POC1B: variants seen among roughly 807,000 people sequenced by gnomAD.
POC1B encodes POC1 centriolar protein B.
POC1B carries 44 observed loss-of-function variants against 60.6 expected under a neutral mutation model. The observed-to-expected ratio is 0.73, with a 90% CI of 0.57 to 0.93. POC1B has a LOEUF of 0.93. Among genes scored for constraint, POC1B ranks in the 40% least tolerant of loss-of-function variants. The pLI is 0.00. For missense variants in POC1B, 555 were observed against 572.3 expected (o/e 0.97, Z 0.31); for synonymous variants, 180 against 198.9 (o/e 0.90, Z 0.80).
chr12:89,507,797 T>A (rs188977121), intron 2 of POC1B, among the ~76,000 whole-genome samples: 17 of 152,354 alleles, frequency 1.1e-4, no homozygotes, highest in African/African-American at 3.8e-4. Context: ...TCACCTTAAG[T>A]ACCAATAACT....
chr12:89,512,771 C>T (rs182036279), intron 2 of POC1B, among the ~76,000 whole-genome samples: 24 of 152,234 alleles, frequency 1.6e-4, no homozygotes, highest in African/African-American at 5.8e-4. Context: ...TTAATCCTAA[C>T]AACAAGGCAG....
chr12:89,496,076 T>TTC (rs1869230237), intron 3 of POC1B, among the ~76,000 whole-genome samples: 1 of 152,100 alleles, frequency 6.6e-6, no homozygotes, highest in African/African-American at 2.4e-5. Flanking sequence ...TCTATTATTA[T>TTC]TACATACTCA....
intron 9 of POC1B, among the ~76,000 whole-genome samples, chr12:89,464,607 C>A (rs1354377881): frequency 1.3e-5 from 2 of 149,784 alleles, no homozygotes; most frequent in Admixed American, 1.3e-4. Context: ...ACTGCCTCAG[C>A]CTCCTGAGTA....
At chr12:89,437,541 A>G (rs1353524889) in intron 10 of POC1B, among the ~76,000 whole-genome samples, 5 of 152,060 alleles carry the variant, frequency 3.3e-5, no homozygotes, top group Non-Finnish European at 7.4e-5. Flanking sequence ...CACTTTTGGG[A>G]AGCTGTATCT....
chr12:89,413,190 T>C, the POC1B span, among the ~76,000 whole-genome samples: 2 of 152,060 alleles, frequency 1.3e-5, no homozygotes, highest in Admixed American at 6.6e-5. Flanking sequence ...GGAGCCACCA[T>C]GCCTTGCCTT....
At chr12:89,452,295 T>C (rs1882076962) in intron 10 of POC1B, among the ~76,000 whole-genome samples, 1 of 152,126 alleles carries the variant, frequency 6.6e-6, no homozygotes, top group African/African-American at 2.4e-5. Context: ...GCAGAAATAA[T>C]ACCTGGAACA....
At position 89,514,944 on chromosome 12, in the gene POC1B, A is replaced by G. The variant is rs553747288; in HGVS notation, c.100+10176T>C. On this transcript the variant is annotated intron_variant, in intron 2 of 11. Coordinates refer to ENST00000313546, the MANE Select transcript of POC1B (RefSeq NM_172240.3). ...CTTCTCTCCTCAAAATTTACCACTG[A>G]GCCACATCACCCACTAGATGATGCC... 4.6e-5 allele frequency among the ~76,000 whole-genome samples: 7 copies of G among 152,164 alleles called. No homozygotes were observed. The South Asian group carries it at 6.2e-4, about 14-fold the overall frequency.
chr12:89,415,895 T>C (rs1880355611), downstream of POC1B, among the ~76,000 whole-genome samples: 1 of 152,240 alleles, frequency 6.6e-6, no homozygotes, highest in Non-Finnish European at 1.5e-5. Flanking sequence ...CTGAGCTATC[T>C]AACAACTGGC....
At chr12:89,466,410 T>C (rs750928369) in intron 9 of POC1B, among the ~76,000 whole-genome samples, 8 of 152,182 alleles carry the variant, frequency 5.3e-5, no homozygotes, top group Non-Finnish European at 1.2e-4. Context: ...GCTACCTATT[T>C]CAATAACCAT....
chr12:89,507,292 A>C (rs915722333), intron 2 of POC1B, among the ~76,000 whole-genome samples: 3 of 147,142 alleles, frequency 2.0e-5, no homozygotes, highest in African/African-American at 5.0e-5. Flanking sequence ...AAAAAAAAAA[A>C]CTATGAAAAC....
chr12:89,402,645 A>T, the POC1B span, among the ~76,000 whole-genome samples: 5 of 152,178 alleles, frequency 3.3e-5, no homozygotes, highest in African/African-American at 1.2e-4. Context: ...TTCCTGCATT[A>T]GTTTGCTGAG....
intron 4 of POC1B, among the ~76,000 whole-genome samples, chr12:89,482,803 C>T (rs1049042315): frequency 2.6e-5 from 4 of 152,114 alleles, no homozygotes; most frequent in African/African-American, 9.7e-5. Context: ...GCCTGTGATA[C>T]AATTTGGCTG....
Position 89,425,379 on chromosome 12 carries a change from T to C in POC1B, c.1114A>G (p.Thr372Ala), listed in dbSNP as rs780599840. 6 of 1,605,842 alleles carry C rather than the reference T, an allele frequency of 3.7e-6. No individual in the cohort carries two copies. Among genetic ancestry groups the C allele is most frequent in the Non-Finnish European group, 4.3e-6 (5 of 1,176,454 alleles). ...MDILSFDSTT[T>A]TETSGRTLPD... ...AGAGTCCTACCACTGGTTTCTGTTG[T>C]CTTTAATGTCACAGAAAATGTAGGA... Residue 372 changes from threonine (T) to alanine (A), a missense_variant and splice_region_variant, in exon 11 of 12, where the codon ACA becomes GCA. By Grantham distance (58) the Thr-to-Ala change is moderately conservative (BLOSUM62 0). Coordinates refer to ENST00000313546, the MANE Select transcript of POC1B (RefSeq NM_172240.3).
At position 89,446,334 on chromosome 12, in the gene POC1B, C is replaced by A. The variant is rs549525198; in HGVS notation, c.1113+13304G>T. The stretch of plus-strand genomic sequence containing the variant: ...GTTTATTGCGGCACTATTCACAATA[C>A]AAAGACTTGGAACCAACCCAAATGT... On this transcript the variant is annotated intron_variant, in intron 10 of 11. Transcript: ENST00000313546. 5.3e-5 allele frequency among the ~76,000 whole-genome samples: 8 copies of A among 152,220 alleles called. No individual in the cohort carries two copies. The South Asian group carries it at 1.7e-3, about 32-fold the overall frequency.
intron 10 of POC1B, chr12:89,425,992 A>G (rs945175968): frequency 6.6e-6 from 1 of 152,318 alleles, no homozygotes; most frequent in African/African-American, 2.4e-5. Context: ...AAAAGCTAGA[A>G]ACAACGATAG....
intron 3 of POC1B, 25 bp from the exon 4 acceptor site, chr12:89,492,140 A>C (rs748737187): frequency 6.8e-7 from 1 of 1,476,146 alleles, no homozygotes; most frequent in Admixed American, 2.3e-5. Flanking sequence ...TTTAATATTT[A>C]TAACTCATTT....
rs540914913 is a variant in POC1B at position 89,524,923 on chromosome 12, G to A, written c.100+197C>T. 1,777 of 864,112 alleles carry A rather than the reference G, an allele frequency of 2.1e-3. 41 individuals carry two copies. The South Asian group carries it at 0.03, about 15-fold the overall frequency. The allele number at this position is 864,112 out of a possible 1,614,324, so 53.5% of individuals were successfully genotyped here. A position where few individuals can be genotyped will look rare whatever the true frequency, so the allele number is the denominator to read the frequency against. On this transcript the variant is annotated intron_variant, in intron 2 of 11. Transcript: ENST00000313546. ...ACCGCTGGATAGGAGGCTCTTGGCC[G>A]GGCCGGGGGCTGGGGGCCGGGATGG...
intron 10 of POC1B, chr12:89,427,678 G>C (rs1173191603): frequency 6.6e-6 from 1 of 152,260 alleles, no homozygotes; most frequent in Non-Finnish European, 1.5e-5. Context: ...TCCAGCCTGG[G>C]CTACAGAGTG....
intron 10 of POC1B, among the ~76,000 whole-genome samples, chr12:89,433,202 G>A (rs938706661): frequency 3.3e-5 from 5 of 152,134 alleles, no homozygotes; most frequent in Non-Finnish European, 5.9e-5. Context: ...AATGGGAGAA[G>A]AGCAATGAGA....
Sources: allele counts gnomAD v4.1 joint callset (sites outside exome capture counted in the v4.1 genomes callset), GRCh38; gene constraint gnomAD v4.1.1; transcripts MANE v1.5; gene names NCBI Gene and HGNC (gene_info 2026-07-23, HGNC 2026-07-21).